LCA5L: variants seen among roughly 807,000 people sequenced by gnomAD.
LCA5L encodes the protein lebercilin LCA5 like, also known as lebercilin-like protein.
A neutral mutation model predicts 45.4 loss-of-function variants in LCA5L; 35 were observed. That is an observed-to-expected ratio of 0.77 (90% CI 0.59 to 1.02). LCA5L has a LOEUF of 1.02. LCA5L is among the 50% of genes least tolerant of loss of function. The pLI is 0.00. For synonymous variants in LCA5L, 233 were observed against 264.7 expected (o/e 0.88, Z 1.16); for missense variants, 668 against 761.6 (o/e 0.88, Z 1.45).
intron 8 of LCA5L, chr21:39,410,774 T>C (rs1159267839): frequency 4.3e-6 from 2 of 466,904 alleles, no homozygotes; most frequent in African/African-American, 2.0e-5. Flanking sequence ...GACTGCACTT[T>C]CCTGAAAAGT....
chr21:39,407,850 T>C (rs2039363137), intron 10 of LCA5L: 1 of 152,254 alleles, frequency 6.6e-6, no homozygotes, highest in Admixed American at 6.5e-5. Flanking sequence ...AACACACCAG[T>C]GACCACAGTG....
intron 5 of LCA5L, among the ~76,000 whole-genome samples, chr21:39,426,354 A>G (rs1241047783): frequency 6.6e-6 from 1 of 152,170 alleles, no homozygotes; most frequent in African/African-American, 2.4e-5. Context: ...TCGAAATGCA[A>G]TTTCTCTCTT....
intron 3 of LCA5L, among the ~76,000 whole-genome samples, chr21:39,433,543 T>G (rs1471368455): frequency 6.6e-6 from 1 of 152,146 alleles, no homozygotes; most frequent in Non-Finnish European, 1.5e-5. Context: ...TAATCCATTT[T>G]GAGTTACTTA....
In LCA5L at chr21:39,410,264, CT is replaced by C. The variant is rs748525028; in HGVS notation, c.1163del (p.Lys388ArgfsTer18). The C allele has an allele frequency of 1.3e-6, 2 of 1,588,784 alleles. No homozygotes were observed. Among genetic ancestry groups the C allele is most frequent in the South Asian group, 2.3e-5 (2 of 88,200 alleles). The part of the protein sequence containing the change: ...QKSDVPPLTT[K>X]GKKATGNIDH... ...CTGCAAGATTCCAAATTTGCTGTACCTTAGTTGTCAAAGGTGGAACATCTGA... is the reference window on the plus strand; with the variant it reads ...CTGCAAGATTCCAAATTTGCTGTACCTAGTTGTCAAAGGTGGAACATCTGA... On this transcript the variant is annotated frameshift_variant and splice_region_variant, in exon 9 of 11. Coordinates refer to ENST00000288350, the MANE Select transcript of LCA5L (RefSeq NM_152505.4). LOFTEE classifies it high-confidence loss of function.
intron 2 of LCA5L, chr21:39,438,836 T>C (rs2076536268): frequency 1.3e-5 from 2 of 152,216 alleles, no homozygotes; most frequent in South Asian, 4.1e-4. Flanking sequence ...TGTGTAGATA[T>C]GTAAAGTTCT....
intron 2 of LCA5L, among the ~76,000 whole-genome samples, chr21:39,441,926 T>A (rs2076908162): frequency 6.6e-6 from 1 of 152,226 alleles, no homozygotes; most frequent in Non-Finnish European, 1.5e-5. Flanking sequence ...AGCACCCATT[T>A]GAGTGCTTAC....
chr21:39,427,616 G>C (rs7278318), intron 5 of LCA5L: 150,499 of 150,542 alleles, frequency 1, 75,228 homozygotes, highest in Middle Eastern at 1. Context: ...GAGCCGAGAT[G>C]GCGCCACTGC....
At position 39,409,208 on chromosome 21, in the gene LCA5L, A is replaced by G. The variant is rs1229002582; in HGVS notation, c.1282+771T>C. On this transcript the variant is annotated intron_variant, in intron 10 of 10. Transcript: ENST00000288350. The surrounding 1 kb of genome is among the most constrained non-coding windows in gnomAD (Gnocchi z 4.2). ...GCGAGCACTAAGGAAACGCCACATGAAGACATAGTGAGAAGCGGGACATCT... is the reference window on the plus strand; with the variant it reads ...GCGAGCACTAAGGAAACGCCACATGGAGACATAGTGAGAAGCGGGACATCT... Among the ~76,000 whole-genome samples the G allele has an allele frequency of 6.6e-6, 1 of 152,136 alleles. No individual in the cohort carries two copies. Among genetic ancestry groups the G allele is most frequent in the Non-Finnish European group, 1.5e-5 (1 of 68,020 alleles).
At chr21:39,430,243 C>T (rs986825422) in intron 3 of LCA5L, among the ~76,000 whole-genome samples, 9 of 152,120 alleles carry the variant, frequency 5.9e-5, no homozygotes, top group Non-Finnish European at 1.0e-4. Context: ...GTTGCTAATC[C>T]GCAAGAAGAA....
intron 4 of LCA5L, 42 bp from the exon 5 acceptor site, chr21:39,428,545 T>A (rs778717596): frequency 1.2e-6 from 1 of 865,374 alleles, no homozygotes; most frequent in South Asian, 2.8e-5. Context: ...TATTTTTGAA[T>A]TTATTGACAT....
chr21:39,422,002 T>A (rs1465553357), intron 6 of LCA5L: 1 of 152,144 alleles, frequency 6.6e-6, no homozygotes, highest in African/African-American at 2.4e-5. Flanking sequence ...ATGAATACAA[T>A]ATTACCTAAA....
intron 5 of LCA5L, among the ~76,000 whole-genome samples, chr21:39,427,428 C>T (rs1032379445): frequency 2.6e-5 from 4 of 151,824 alleles, no homozygotes; most frequent in East Asian, 1.9e-4. Flanking sequence ...TTTGGGAGGC[C>T]GAGGCAGGCG....
rs1569113777 is a variant in LCA5L at position 39,429,491 on chromosome 21, CCTCAT to C, written c.-91-285_-91-281del. ...CTTTGTACAAACTTATTTCACATCA[CCTCAT>C]CTCAGCCACCTAGAGGGAATAGGTT... On this transcript the variant is annotated intron_variant, in intron 3 of 10. Coordinates refer to ENST00000288350, the MANE Select transcript of LCA5L (RefSeq NM_152505.4). 4 of 152,188 alleles carry C rather than the reference CCTCAT, an allele frequency of 2.6e-5. 1 individual carries two copies. Among genetic ancestry groups the C allele is most frequent in the Admixed American group, 2.6e-4 (4 of 15,282 alleles). The allele number at this position is 152,188 out of a possible 1,614,324, so 9.4% of individuals were successfully genotyped here. A position where few individuals can be genotyped will look rare whatever the true frequency, so the allele number is the denominator to read the frequency against.
In LCA5L at chr21:39,424,264, T is replaced by C. The variant is rs563843394; in HGVS notation, c.323-774A>G. Among the ~76,000 whole-genome samples, 21 of 152,338 alleles carry C rather than the reference T, an allele frequency of 1.4e-4. No individual in the cohort carries two copies. In the South Asian group the frequency reaches 3.7e-3, roughly 27 times the overall value. ...CTGACCCTCAAGTGATCCACCCTCC[T>C]TGGCCTCCCAAAGTGCTGGGATTAC... On this transcript the variant is annotated intron_variant, in intron 5 of 10. Coordinates refer to ENST00000288350, the MANE Select transcript of LCA5L (RefSeq NM_152505.4).
At chr21:39,427,584 C>T (rs1009584598) in intron 5 of LCA5L, among the ~76,000 whole-genome samples, 10 of 151,602 alleles carry the variant, frequency 6.6e-5, no homozygotes, top group Non-Finnish European at 1.5e-4. Context: ...ATGGCGTGAA[C>T]CCGGGAGGCA....
chr21:39,429,970 G>A (rs918618517), intron 3 of LCA5L, among the ~76,000 whole-genome samples: 13 of 152,142 alleles, frequency 8.5e-5, no homozygotes, highest in South Asian at 4.1e-4. Flanking sequence ...AGCTGTGATC[G>A]CGGCACTGCA....
At chr21:39,415,387 AAGT>A (rs1253456548) in intron 7 of LCA5L, among the ~76,000 whole-genome samples, 1 of 152,222 alleles carries the variant, frequency 6.6e-6, no homozygotes, top group African/African-American at 2.4e-5. Flanking sequence ...AAAAAAATAA[AAGT>A]AGAATAGTAC....
chr21:39,416,449 ACGTTC>A (rs981730913), intron 7 of LCA5L, among the ~76,000 whole-genome samples: 1 of 152,156 alleles, frequency 6.6e-6, no homozygotes, highest in African/African-American at 2.4e-5. Context: ...GTATGACAAT[ACGTTC>A]CAGGTTCATC....
At chr21:39,429,671 G>T (rs1397235379) in intron 3 of LCA5L, among the ~76,000 whole-genome samples, 1 of 152,180 alleles carries the variant, frequency 6.6e-6, no homozygotes, top group Non-Finnish European at 1.5e-5. Context: ...ACATTCTGCT[G>T]TGTAGCGGTG....
Sources: allele counts gnomAD v4.1 joint callset (sites outside exome capture counted in the v4.1 genomes callset), GRCh38; gene constraint gnomAD v4.1.1; non-coding constraint Gnocchi (gnomAD v3.1); transcripts MANE v1.5; gene names NCBI Gene and HGNC (gene_info 2026-07-23, HGNC 2026-07-21).